The following TBC1D2 variants were observed in gnomAD, a reference collection of about 807,000 sequenced individuals.
The protein encoded by TBC1D2 is TBC1 domain family member 2A.
Under a neutral mutation model 91.1 loss-of-function variants are expected in TBC1D2, and 58 were observed. That is an observed-to-expected ratio of 0.64 (90% CI 0.52 to 0.79). TBC1D2 has a LOEUF of 0.79. TBC1D2 is among the 30% of genes least tolerant of loss of function. The pLI is 0.00. For synonymous variants in TBC1D2, 482 were observed against 511.5 expected (o/e 0.94, Z 0.78); for missense variants, 1,080 against 1,208.3 (o/e 0.89, Z 1.57).
intron 3 of TBC1D2, 59 bp downstream of exon 3, chr9:98,243,935 A>G: frequency 1.3e-6 from 2 of 1,564,450 alleles, no homozygotes; most frequent in Admixed American, 3.8e-5. Context: ...CAGTGGGTCA[A>G]GCTCCACTGA....
At chr9:98,213,285 C>T in intron 6 of TBC1D2, 67 bp from the exon 7 acceptor site, 1 of 1,592,390 alleles carries the variant, frequency 6.3e-7, no homozygotes, top group Non-Finnish European at 8.6e-7. Flanking sequence ...GGGAGTCACA[C>T]CCTCAAATGA....
chr9:98,247,686 G>A (rs1489157128), intron 2 of TBC1D2, among the ~76,000 whole-genome samples: 1 of 129,722 alleles, frequency 7.7e-6, no homozygotes, highest in South Asian at 2.4e-4. Context: ...CCAAGATCGC[G>A]CCACTGTACT....
At chr9:98,221,668 C>G (rs749090186) in intron 5 of TBC1D2, among the ~76,000 whole-genome samples, 11 of 152,170 alleles carry the variant, frequency 7.2e-5, no homozygotes, top group Non-Finnish European at 1.5e-4. Flanking sequence ...GAGTTGCTCA[C>G]CTACCTCTGG....
intron 11 of TBC1D2, 91 bp downstream of exon 11, chr9:98,201,388 G>T: frequency 8.2e-7 from 1 of 1,225,134 alleles, no homozygotes; most frequent in Non-Finnish European, 1.2e-6. Flanking sequence ...AGTAAGCATT[G>T]TCTTCCCATT....
intron 9 of TBC1D2, among the ~76,000 whole-genome samples, chr9:98,207,402 G>A (rs1243776222): frequency 6.6e-6 from 1 of 152,216 alleles, no homozygotes; most frequent in Non-Finnish European, 1.5e-5. Context: ...CAACTATGCA[G>A]CTTCTACTGA....
rs985676245 is a variant in TBC1D2, at chr9:98,212,976, C to T, written c.1485+132G>A. ...GTCTGGAGAAGAACCTGATATGGGC[C>T]CTGCTCACAAGGGGTCAGTTCAGAG... On this transcript the variant is annotated intron_variant, in intron 7 of 12. Coordinates refer to ENST00000465784, the MANE Select transcript of TBC1D2 (RefSeq NM_001267571.2). 12 of 941,064 alleles carry T rather than the reference C, an allele frequency of 1.3e-5. No homozygotes were observed. The African/African-American group carries it at 2.0e-4, about 15-fold the overall frequency. The allele number at this position is 941,064 out of a possible 1,614,324, so 58.3% of individuals were successfully genotyped here.
chr9:98,235,203 CAAA>C, intron 3 of TBC1D2: 12 of 246,812 alleles, frequency 4.9e-5, no homozygotes, highest in East Asian at 2.0e-4. Flanking sequence ...GACTCCATTT[CAAA>C]AAAAAAAAAG....
chr9:98,243,872 G>T, intron 3 of TBC1D2, 122 bp downstream of exon 3: 1 of 1,316,310 alleles, frequency 7.6e-7, no homozygotes, highest in Non-Finnish European at 1.0e-6. Flanking sequence ...GTGATTAATT[G>T]AAAATAAAGC....
intron 3 of TBC1D2, among the ~76,000 whole-genome samples, chr9:98,243,103 T>C (rs1829686094): frequency 6.6e-6 from 1 of 151,764 alleles, no homozygotes; most frequent in South Asian, 2.1e-4. Context: ...TCTTAGAAAT[T>C]ATCTAAAACA....
At chr9:98,200,501 A>G in intron 11 of TBC1D2, 127 bp from the exon 12 acceptor site, 1 of 552,728 alleles carries the variant, frequency 1.8e-6, no homozygotes, top group South Asian at 2.0e-5. Flanking sequence ...TGAGGCCTGG[A>G]GGCACAATGT....
chr9:98,208,598 C>T (rs1032587369), intron 9 of TBC1D2, 70 bp downstream of exon 9: 11 of 1,457,304 alleles, frequency 7.5e-6, no homozygotes, highest in East Asian at 6.9e-5. Context: ...TGCCTGTCCA[C>T]AGTCTGAGGG....
At chr9:98,252,786 C>T (rs2131302460) in intron 1 of TBC1D2, among the ~76,000 whole-genome samples, 1 of 152,260 alleles carries the variant, frequency 6.6e-6, no homozygotes, top group South Asian at 2.1e-4. Flanking sequence ...ATGAACAGCT[C>T]ACCGGGCGTG....
At chr9:98,245,918 AT>A (rs1829755385) in intron 2 of TBC1D2, among the ~76,000 whole-genome samples, 1 of 152,242 alleles carries the variant, frequency 6.6e-6, no homozygotes. Flanking sequence ...GCAGGAGGTC[AT>A]AACATAAGGT....
chr9:98,203,512 T>C, intron 9 of TBC1D2, 104 bp from the exon 10 acceptor site: 1 of 1,515,878 alleles, frequency 6.6e-7, no homozygotes, highest in Non-Finnish European at 8.9e-7. Context: ...AGTCCTTCCA[T>C]GTGAGCATCA....
rs1206945909 is a variant in TBC1D2 at position 98,221,478 on chromosome 9, C to T, written c.979-250G>A. ...GAGGTGTAGCCAAGTAACTATTCTG[C>T]CTAAATGGGAAATGAAAAGTGAGAT... On this transcript the variant is annotated intron_variant, in intron 5 of 12. Transcript: ENST00000465784. 2.0e-5 allele frequency among the ~76,000 whole-genome samples: 3 copies of T among 152,172 alleles called. No individual in the cohort carries two copies. In the East Asian group the frequency reaches 5.8e-4, roughly 29 times the overall value.
intron 2 of TBC1D2, among the ~76,000 whole-genome samples, chr9:98,245,751 T>C (rs936950092): frequency 3.9e-5 from 6 of 152,188 alleles, no homozygotes; most frequent in African/African-American, 1.4e-4. Context: ...GGTTACTTTA[T>C]AAACAGAAAA....
At chr9:98,218,835 C>T (rs889984785) in intron 6 of TBC1D2, among the ~76,000 whole-genome samples, 16 of 152,258 alleles carry the variant, frequency 1.1e-4, no homozygotes, top group African/African-American at 3.4e-4. Flanking sequence ...GGAACACAGG[C>T]GTGCGCCACC....
In TBC1D2 at chr9:98,199,394, T is replaced by A. The variant is rs374502046; in HGVS notation, c.2774A>T (p.Glu925Val). The A allele has an allele frequency of 4.3e-6, 7 of 1,612,906 alleles. No homozygotes were observed. The African/African-American group carries it at 8.0e-5, about 18-fold the overall frequency. Reference sequence around the variant, plus strand: ...GAGGTGGCCAAGTCAGGCTTCCCCCTCCACCTCGTCCTCGCTGGCACAGCC... The same window carrying A: ...GAGGTGGCCAAGTCAGGCTTCCCCCACCACCTCGTCCTCGCTGGCACAGCC... ...SEGCASEDEV[E>V]GEA Residue 925 changes from glutamate to valine, a missense_variant, in exon 13 of 13, where the codon GAG becomes GTG. Transcript: ENST00000465784.
chr9:98,207,856 C>T (rs976423922), intron 9 of TBC1D2, among the ~76,000 whole-genome samples: 1 of 152,196 alleles, frequency 6.6e-6, no homozygotes, highest in African/African-American at 2.4e-5. Context: ...GAAGGCTGCC[C>T]CCTGGGGTTG....
Sources: allele counts gnomAD v4.1 joint callset (sites outside exome capture counted in the v4.1 genomes callset), GRCh38; gene constraint gnomAD v4.1.1; transcripts MANE v1.5; gene names NCBI Gene and HGNC (gene_info 2026-07-23, HGNC 2026-07-21).